Variants in PTPRN2 observed in about 807,000 individuals in gnomAD.
PTPRN2 encodes the protein protein tyrosine phosphatase receptor type N2, also known as receptor-type tyrosine-protein phosphatase N2.
PTPRN2 carries 74 observed loss-of-function variants against 118.8 expected under a neutral mutation model. The ratio of observed to expected loss-of-function variants is 0.62; its 90% CI spans 0.52 to 0.76. PTPRN2 has a LOEUF of 0.76. PTPRN2 is among the 30% of genes least tolerant of loss of function. The pLI is 0.00. For synonymous variants in PTPRN2, 641 were observed against 608.0 expected (o/e 1.05, Z -0.80); for missense variants, 1,481 against 1,394.4 (o/e 1.06, Z -0.99).
intron 12 of PTPRN2, among the ~76,000 whole-genome samples, chr7:157,879,352 C>G (rs1359372935): frequency 6.6e-6 from 1 of 152,190 alleles, no homozygotes; most frequent in Non-Finnish European, 1.5e-5. Context: ...AACACGCACA[C>G]CCAAACACAC....
chr7:158,150,466 C>T (rs1015816539), intron 6 of PTPRN2, among the ~76,000 whole-genome samples: 4 of 152,172 alleles, frequency 2.6e-5, no homozygotes, highest in African/African-American at 7.2e-5. Context: ...ACGCAGCAGG[C>T]GGATGTTCCT....
intron 11 of PTPRN2, among the ~76,000 whole-genome samples, chr7:157,910,939 C>T (rs1488081168): frequency 6.6e-6 from 1 of 152,262 alleles, no homozygotes; most frequent in African/African-American, 2.4e-5. Context: ...TGGAACATAA[C>T]TGCTTTCCTG....
At chr7:157,607,559 G>A (rs1802080314) in intron 15 of PTPRN2, among the ~76,000 whole-genome samples, 1 of 152,252 alleles carries the variant, frequency 6.6e-6, no homozygotes, top group Non-Finnish European at 1.5e-5. Context: ...GACCTGGCTT[G>A]GTCTCGTGCT....
rs1409614628 is a variant in PTPRN2 at position 157,881,092 on chromosome 7, A to G, written c.1788+17581T>C. 1.3e-5 allele frequency among the ~76,000 whole-genome samples: 2 copies of G among 152,158 alleles called. No individual in the cohort carries two copies. Among genetic ancestry groups the G allele is most frequent in the Non-Finnish European group, 2.9e-5 (2 of 68,038 alleles). ...AAAATGAGGTCATGAGGATATGTGG[A>G]GATGGGGGTGTTTACAGTAGTCATT... On this transcript the variant is annotated intron_variant, in intron 12 of 22. Coordinates refer to ENST00000389418, the MANE Select transcript of PTPRN2 (RefSeq NM_002847.5). This position sits in a 1 kb window ranked among gnomAD's most constrained non-coding sequence, Gnocchi z 4.7.
At chr7:158,489,624 C>T in intron 2 of PTPRN2, 111 bp downstream of exon 2, 1 of 1,163,594 alleles carries the variant, frequency 8.6e-7, no homozygotes, top group Non-Finnish European at 1.2e-6. Flanking sequence ...GGCAGCGCGC[C>T]CCGGGCGGCC....
chr7:158,424,337 G>A (rs1358945013), intron 2 of PTPRN2, among the ~76,000 whole-genome samples: 1 of 152,190 alleles, frequency 6.6e-6, no homozygotes. Flanking sequence ...ATGGAATTCC[G>A]TCAAGGAGCA....
At chr7:158,075,255 C>A (rs1387475522) in intron 11 of PTPRN2, among the ~76,000 whole-genome samples, 1 of 152,194 alleles carries the variant, frequency 6.6e-6, no homozygotes, top group African/African-American at 2.4e-5. Context: ...CTACCATCTC[C>A]GATTCCCTAA....
At chr7:158,193,161 C>G (rs557035508) in intron 4 of PTPRN2, among the ~76,000 whole-genome samples, 1 of 152,204 alleles carries the variant, frequency 6.6e-6, no homozygotes, top group East Asian at 1.9e-4. Context: ...GGACGCTTCC[C>G]GTGGGCAGAC....
intron 11 of PTPRN2, among the ~76,000 whole-genome samples, chr7:157,952,191 C>A (rs1023854032): frequency 8.5e-5 from 13 of 152,188 alleles, no homozygotes; most frequent in African/African-American, 3.1e-4. Flanking sequence ...CCCCCAGAGC[C>A]CCCCACAGAA....
intron 2 of PTPRN2, among the ~76,000 whole-genome samples, chr7:158,387,334 C>T (rs117641686): frequency 3.7e-4 from 57 of 152,360 alleles, no homozygotes; most frequent in African/African-American, 1.2e-3. Context: ...TCAGGGAGGG[C>T]TCATCCTGCA....
chr7:158,146,184 C>T (rs1422570304), intron 6 of PTPRN2, among the ~76,000 whole-genome samples: 4 of 152,180 alleles, frequency 2.6e-5, no homozygotes, highest in Non-Finnish European at 5.9e-5. Context: ...CTTAGATGCT[C>T]AGTCACACAA....
At chr7:158,157,980 T>C (rs568079469) in intron 6 of PTPRN2, among the ~76,000 whole-genome samples, 1 of 152,296 alleles carries the variant, frequency 6.6e-6, no homozygotes, top group South Asian at 2.1e-4. Flanking sequence ...AGATTAACAA[T>C]TTATCAGTGG....
chr7:158,002,834 C>T (rs1805369551), intron 11 of PTPRN2, among the ~76,000 whole-genome samples: 1 of 152,328 alleles, frequency 6.6e-6, no homozygotes, highest in Admixed American at 6.5e-5. Context: ...CTTCAACAAG[C>T]CCCGTGAGGT....
chr7:158,545,987 AAAAG>A lies in PTPRN2; in HGVS notation c.112+41567_112+41570del, dbSNP rs201172440. On this transcript the variant is annotated intron_variant, in intron 1 of 22. Transcript: ENST00000389418. The stretch of plus-strand genomic sequence containing the variant: ...GCATTCCAGCCTGGGTGTCTCAAAA[AAAAG>A]AAAGAAAGAAAGAAAAATTCAAATC... Among the ~76,000 whole-genome samples the A allele has an allele frequency of 3.5e-4, 54 of 152,294 alleles. No individual in the cohort carries two copies. The South Asian group carries it at 4.8e-3, about 13-fold the overall frequency.
intron 19 of PTPRN2, 88 bp downstream of exon 19, chr7:157,576,525 C>T: frequency 7.5e-7 from 1 of 1,333,400 alleles, no homozygotes; most frequent in Non-Finnish European, 1.0e-6. Flanking sequence ...GCCCTCGGCG[C>T]CAGGGGCGTC....
At chr7:157,897,839 G>A (rs971366429) in intron 12 of PTPRN2, among the ~76,000 whole-genome samples, 1 of 152,266 alleles carries the variant, frequency 6.6e-6, no homozygotes, top group African/African-American at 2.4e-5. Flanking sequence ...ATAAATAAGC[G>A]CTCCTTCACA....
intron 2 of PTPRN2, among the ~76,000 whole-genome samples, chr7:158,416,516 G>A (rs1196562532): frequency 2.0e-5 from 3 of 152,368 alleles, no homozygotes; most frequent in African/African-American, 7.2e-5. Flanking sequence ...GCTCAGCACA[G>A]ACAGCAAAGC....
At chr7:158,291,265 G>A (rs561305578) in intron 3 of PTPRN2, among the ~76,000 whole-genome samples, 3 of 152,266 alleles carry the variant, frequency 2.0e-5, no homozygotes, top group South Asian at 2.1e-4. Context: ...TATTCAAGAT[G>A]TCTAATCATT....
At chr7:158,258,805 G>C (rs1034983743) in intron 3 of PTPRN2, among the ~76,000 whole-genome samples, 2 of 152,202 alleles carry the variant, frequency 1.3e-5, no homozygotes, top group Non-Finnish European at 2.9e-5. Flanking sequence ...GCTTTAGGGA[G>C]GAACATTTGG....
Sources: gnomAD v4.1 joint callset for allele counts (sites outside exome capture counted in the v4.1 genomes callset) on GRCh38, gnomAD v4.1.1 for gene constraint, Gnocchi (gnomAD v3.1) non-coding constraint, MANE v1.5 for transcripts, NCBI Gene and HGNC (gene_info 2026-07-23, HGNC 2026-07-21) for gene names.